The following FARP1 variants were observed in gnomAD, a reference collection of about 807,000 sequenced individuals.
FARP1 encodes FERM, ARH/RhoGEF and pleckstrin domain protein 1, also known as FERM, ARHGEF and pleckstrin domain-containing protein 1.
In FARP1, 52 loss-of-function variants were observed where a neutral mutation model predicts 128.8. The ratio of observed to expected loss-of-function variants is 0.40; its 90% CI spans 0.32 to 0.51. The LOEUF is 0.51. FARP1 is among the 20% of genes least tolerant of loss of function. FARP1 has a pLI of 0.45. For missense variants in FARP1, 1,333 were observed against 1,367.9 expected, an observed-to-expected ratio of 0.97 and a Z score of 0.40; for synonymous variants, 580 against 551.8, an observed-to-expected ratio of 1.05 and a Z score of -0.72.
chr13:98,203,547 G>A (rs1462387667), intron 1 of FARP1, among the ~76,000 whole-genome samples: 1 of 152,198 alleles, frequency 6.6e-6, no homozygotes, highest in Non-Finnish European at 1.5e-5. Context: ...AAATGTTTGC[G>A]AGGTCCATCT....
intron 25 of FARP1, 93 bp from the exon 26 acceptor site, chr13:98,446,573 G>A: frequency 7.3e-7 from 1 of 1,361,226 alleles, no homozygotes; most frequent in Non-Finnish European, 1.0e-6. Context: ...AGCTGCCTGG[G>A]CTCCCAAGTC....
At chr13:98,395,837 C>G in intron 13 of FARP1, 1 of 401,004 alleles carries the variant, frequency 2.5e-6, no homozygotes. Context: ...TTCAAGGGCT[C>G]GGCTGGTCAC....
intron 1 of FARP1, among the ~76,000 whole-genome samples, chr13:98,193,412 T>C (rs1879370911): frequency 6.6e-6 from 1 of 152,220 alleles, no homozygotes; most frequent in East Asian, 1.9e-4. Flanking sequence ...CTGACTTATT[T>C]AGAGCAACCT....
At chr13:98,311,572 T>C (rs1040933711) in intron 2 of FARP1, among the ~76,000 whole-genome samples, 2 of 150,700 alleles carry the variant, frequency 1.3e-5, no homozygotes, top group African/African-American at 4.8e-5. Flanking sequence ...TGCATGTGCG[T>C]GTGTGTGTGT....
At position 98,333,539 on chromosome 13, in the gene FARP1, C is replaced by G. The variant is rs567083084; in HGVS notation, c.172-10223C>G. The G allele has an allele frequency of 1.3e-5, 2 of 151,850 alleles. 1 individual carries two copies. The allele number at this position is 151,850 out of a possible 1,614,324, so 9.4% of individuals were successfully genotyped here. A position where few individuals can be genotyped will look rare whatever the true frequency, so the allele number is the denominator to read the frequency against. On this transcript the variant is annotated intron_variant, in intron 2 of 26. Transcript: ENST00000319562. ...GGAGGGAGTTGTGTACTAATGACGC[C>G]GTGGTTGTGTCGTTGCTCCATTATA...
At chr13:98,144,405 C>T (rs1394591889) in intron 1 of FARP1, among the ~76,000 whole-genome samples, 1 of 152,192 alleles carries the variant, frequency 6.6e-6, no homozygotes, top group Non-Finnish European at 1.5e-5. Context: ...GGAGAGCCTG[C>T]TTGTCATCTG....
At position 98,273,517 on chromosome 13, in the gene FARP1, G is replaced by A. The variant is rs1884487262; in HGVS notation, c.171+60104G>A. Among the ~76,000 whole-genome samples the A allele has an allele frequency of 2.6e-5, 4 of 152,174 alleles. No homozygotes were observed. In the South Asian group the frequency reaches 6.2e-4, roughly 24 times the overall value. ...GTTCTTAAGGTTCTTCTGAGGTCCCGTTAGCCAAGAGGCGTTTGTTCAGTT... is the reference window on the plus strand; with the variant it reads ...GTTCTTAAGGTTCTTCTGAGGTCCCATTAGCCAAGAGGCGTTTGTTCAGTT... On this transcript the variant is annotated intron_variant, in intron 2 of 26. Transcript: ENST00000319562.
intron 16 of FARP1, among the ~76,000 whole-genome samples, chr13:98,419,605 T>TA: frequency 6.6e-6 from 1 of 152,240 alleles, no homozygotes; most frequent in African/African-American, 2.4e-5. Flanking sequence ...TGTTCCCACT[T>TA]ACTCATTTCA....
At chr13:98,431,792 T>A (rs1335561750) in intron 18 of FARP1, 2 of 152,400 alleles carry the variant, frequency 1.3e-5, no homozygotes, top group East Asian at 3.9e-4. Flanking sequence ...AAGGTGCTGA[T>A]GATCGTCAGG....
intron 18 of FARP1, 41 bp downstream of exon 18, chr13:98,431,321 A>G: frequency 2.1e-6 from 3 of 1,429,318 alleles, no homozygotes; most frequent in Non-Finnish European, 1.9e-6. Flanking sequence ...CCCATGCCAC[A>G]GTTCAGGCCG....
chr13:98,284,614 G>T (rs1331686984), intron 2 of FARP1, among the ~76,000 whole-genome samples: 4 of 151,132 alleles, frequency 2.6e-5, no homozygotes, highest in African/African-American at 9.8e-5. Flanking sequence ...ATTACATTAA[G>T]GATATCTAGA....
chr13:98,415,844 G>C (rs1390653416), intron 16 of FARP1, among the ~76,000 whole-genome samples: 1 of 152,256 alleles, frequency 6.6e-6, no homozygotes, highest in East Asian at 1.9e-4. Flanking sequence ...TGTCGATTGG[G>C]ATGGGTAAGA....
intron 17 of FARP1, among the ~76,000 whole-genome samples, chr13:98,425,690 C>A (rs929421759): frequency 3.9e-5 from 6 of 152,024 alleles, no homozygotes; most frequent in African/African-American, 1.5e-4. Flanking sequence ...CACCCCTGGT[C>A]GCAAATATGT....
At chr13:98,143,873 C>CCTCGGGCCGCAAT (rs1875285661) in intron 1 of FARP1, among the ~76,000 whole-genome samples, 2 of 151,822 alleles carry the variant, frequency 1.3e-5, no homozygotes, top group Admixed American at 1.3e-4. Flanking sequence ...CGCTTCCGGA[C>CCTCGGGCCGCAAT]CTCGGGCCGC....
intron 17 of FARP1, 117 bp from the exon 18 acceptor site, chr13:98,430,926 A>T: frequency 1.5e-6 from 1 of 680,404 alleles, no homozygotes; most frequent in Non-Finnish European, 2.6e-6. Flanking sequence ...TAAGGAAATT[A>T]AACAAATCGT....
chr13:98,266,328 TC>T (rs1383039630), intron 2 of FARP1, among the ~76,000 whole-genome samples: 1 of 152,206 alleles, frequency 6.6e-6, no homozygotes, highest in Non-Finnish European at 1.5e-5. Context: ...TGGGCTTCAG[TC>T]CCAGTTCGGC....
At chr13:98,241,031 C>T (rs769131318) in intron 2 of FARP1, among the ~76,000 whole-genome samples, 8 of 152,324 alleles carry the variant, frequency 5.3e-5, no homozygotes, top group Admixed American at 2.6e-4. Context: ...AGCGAAGATT[C>T]GAATCCAGCA....
intron 3 of FARP1, among the ~76,000 whole-genome samples, chr13:98,362,098 T>C (rs1038076525): frequency 1.6e-4 from 25 of 152,094 alleles, no homozygotes; most frequent in Admixed American, 1.2e-3. Context: ...ACACTGTCTC[T>C]ACAAAAAATA....
At chr13:98,407,153 C>T (rs1244144758) in intron 13 of FARP1, 1 of 152,662 alleles carries the variant, frequency 6.6e-6, no homozygotes, top group Non-Finnish European at 1.5e-5. Context: ...CTTATAACTG[C>T]CTCACCCGAT....
Sources: allele counts gnomAD v4.1 joint callset (sites outside exome capture counted in the v4.1 genomes callset), GRCh38; gene constraint gnomAD v4.1.1; transcripts MANE v1.5; gene names NCBI Gene and HGNC (gene_info 2026-07-23, HGNC 2026-07-21).